Variants in SSB observed in about 807,000 individuals in gnomAD.
The protein encoded by SSB is lupus La protein.
In SSB, 17 loss-of-function variants were observed where a neutral mutation model predicts 52.9. That is an observed-to-expected ratio of 0.32 (90% confidence interval 0.22 to 0.48). The LOEUF is 0.48. Among genes scored for constraint, SSB ranks in the 20% least tolerant of loss-of-function variants. The pLI is 0.99. For synonymous variants in SSB, 111 were observed against 152.1 expected (o/e 0.73, Z 1.99); for missense variants, 314 against 463.6 (o/e 0.68, Z 2.96).
rs537210708 is a variant in SSB, at chr2:169,807,154, C to G, written c.554+83C>G. The G allele has an allele frequency of 4.5e-5, 48 of 1,064,174 alleles. No homozygotes were observed. In the Admixed American group the frequency reaches 9.2e-4, roughly 20 times the overall value. 65.9% of individuals were successfully genotyped at this position (1,064,174 alleles called of 1,614,324 possible). A position where few individuals can be genotyped will look rare whatever the true frequency, so the allele number is the denominator to read the frequency against. ...GTAAGGAGCATGGAAGTAGTATCCC[C>G]TGAAAGGCCAATATTCTTAGTATCT... On this transcript the variant is annotated intron_variant, in intron 6 of 11. Coordinates refer to ENST00000260956, the MANE Select transcript of SSB (RefSeq NM_003142.5).
intron 1 of SSB, 44 bp from the exon 2 acceptor site, chr2:169,800,908 T>G (rs1050738804): frequency 3.9e-5 from 56 of 1,421,068 alleles, no homozygotes; most frequent in Non-Finnish European, 5.4e-5. Flanking sequence ...ATTCTTGAGT[T>G]TTATATAAAA....
intron 9 of SSB, 173 bp downstream of exon 9, chr2:169,810,596 G>GTTT (rs1689928858): frequency 2.9e-6 from 2 of 698,454 alleles, no homozygotes; most frequent in Non-Finnish European, 4.7e-6. Context: ...TACTAAATTA[G>GTTT]TTTCTACTTG....
chr2:169,810,290 T>C lies in SSB; in HGVS notation c.677T>C (p.Leu226Pro), dbSNP rs768885266. Residue 226 changes from leucine (L) to proline (P), a missense_variant, in exon 9 of 12, where the codon CTA becomes CCA. By Grantham distance (98) the Leu-to-Pro change is moderately conservative. Coordinates refer to ENST00000260956, the MANE Select transcript of SSB (RefSeq NM_003142.5). The stretch of plus-strand genomic sequence containing the variant: ...CTTTGTATATTTTTATAGAAATCTC[T>C]AGAAGAAAAGATTGGATGCTTGCTG... ...KLEEDAEMKS[L>P]EEKIGCLLKF... is the part of the protein sequence containing the mutation. 7 of 1,601,828 alleles carry C rather than the reference T, an allele frequency of 4.4e-6. No homozygotes were observed. Among genetic ancestry groups the C allele is most frequent in the Non-Finnish European group, 5.9e-6 (7 of 1,176,794 alleles).
rs1021757058 is a variant in SSB at position 169,806,962 on chromosome 2, T to G, written c.454-9T>G. ...TAACTTAAAAAAATATTTTCCTTCC[T>G]TTTTACAGGGATCAATTTTTGTTGT... On this transcript the variant is annotated splice_polypyrimidine_tract_variant and intron_variant, in intron 5 of 11. Transcript: ENST00000260956. 3.1e-6 allele frequency: 5 copies of G among 1,612,786 alleles called. No homozygotes were observed. The highest frequency in any genetic ancestry group is 4.2e-6 in the Non-Finnish European group (5 of 1,179,572).
intron 2 of SSB, among the ~76,000 whole-genome samples, chr2:169,801,509 G>GTTTTTTTTTTTT (rs79940369): frequency 1.4e-5 from 1 of 73,666 alleles, no homozygotes; most frequent in African/African-American, 5.2e-5. Context: ...CTTTAATATA[G>GTTTTTTTTTTTT]TTTTTTTTTT....
chr2:169,807,694 T>C (rs1689855936), intron 6 of SSB, among the ~76,000 whole-genome samples: 1 of 150,472 alleles, frequency 6.6e-6, no homozygotes, highest in African/African-American at 2.4e-5. Context: ...GTTTGGAAAA[T>C]ATATCAATGC....
At chr2:169,810,628 G>A (rs776771638) in intron 9 of SSB, 6 of 661,270 alleles carry the variant, frequency 9.1e-6, no homozygotes, top group Non-Finnish European at 1.3e-5. Flanking sequence ...TGTTGTTATT[G>A]TCACTATATG....
At chr2:169,810,566 G>A in intron 9 of SSB, 143 bp downstream of exon 9, 3 of 790,564 alleles carry the variant, frequency 3.8e-6, no homozygotes, top group African/African-American at 1.8e-5. Flanking sequence ...TAGATGTGAT[G>A]TCTGATATTT....
intron 2 of SSB, among the ~76,000 whole-genome samples, chr2:169,803,589 G>T (rs988297349): frequency 3.3e-5 from 5 of 152,028 alleles, no homozygotes; most frequent in Admixed American, 6.6e-5. Flanking sequence ...AGCTGGGCAT[G>T]GTGGCATGTG....
intron 2 of SSB, 54 bp from the exon 3 acceptor site, chr2:169,805,420 G>T: frequency 7.6e-7 from 1 of 1,322,958 alleles, no homozygotes. Context: ...AGTAATGTCA[G>T]GATTGGAGTC....
chr2:169,805,420 G>C, intron 2 of SSB, 54 bp from the exon 3 acceptor site: 1 of 1,322,958 alleles, frequency 7.6e-7, no homozygotes, highest in Non-Finnish European at 1.1e-6. Context: ...AGTAATGTCA[G>C]GATTGGAGTC....
At chr2:169,810,457 G>A (rs1179867273) in intron 9 of SSB, 34 bp downstream of exon 9, 1 of 1,557,638 alleles carries the variant, frequency 6.4e-7, no homozygotes, top group Admixed American at 2.2e-5. Context: ...TTAGCAATCA[G>A]TTTGAAAATC....
At chr2:169,811,586 A>G in intron 11 of SSB, 82 bp from the exon 12 acceptor site, 1 of 1,532,730 alleles carries the variant, frequency 6.5e-7, no homozygotes, top group Non-Finnish European at 8.8e-7. Flanking sequence ...TTTCAACAGT[A>G]TCATTATTAG....
Position 169,805,882 on chromosome 2 carries a change from A to G in SSB, c.345+43A>G, listed in dbSNP as rs755116320. ...GCATTTAAATATCTTACATTTATTT[A>G]GAAAGTAAAGTACGGAAGAATAAGG... On this transcript the variant is annotated intron_variant, in intron 4 of 11. Transcript: ENST00000260956. 6.4e-6 allele frequency: 10 copies of G among 1,559,478 alleles called. No individual in the cohort carries two copies. The East Asian group carries it at 2.0e-4, about 32-fold the overall frequency.
At chr2:169,808,661 T>G (rs1689879580) in intron 7 of SSB, 108 bp downstream of exon 7, 2 of 1,114,558 alleles carry the variant, frequency 1.8e-6, no homozygotes, top group Non-Finnish European at 2.6e-6. Flanking sequence ...TCTTTGCTAG[T>G]GAAACACTGA....
chr2:169,810,614 A>G (rs901264455), intron 9 of SSB, 191 bp downstream of exon 9: 42 of 680,704 alleles, frequency 6.2e-5, no homozygotes, highest in Non-Finnish European at 9.9e-5. Flanking sequence ...TTGATCATTT[A>G]CTTTGTTGTT....
At chr2:169,801,546 A>ACTC (rs1689713709) in intron 2 of SSB, among the ~76,000 whole-genome samples, 1 of 106,678 alleles carries the variant, frequency 9.4e-6, no homozygotes, top group Non-Finnish European at 1.8e-5. Context: ...ATGGAGTCTC[A>ACTC]CTCTGTTGGC....
At chr2:169,809,101 C>G in intron 8 of SSB, 199 bp downstream of exon 8, 1 of 586,582 alleles carries the variant, frequency 1.7e-6, no homozygotes, top group East Asian at 3.3e-5. Flanking sequence ...ATGGAAAAGG[C>G]CGGGTGCAGT....
chr2:169,800,585 G>C (rs1689693089), intron 1 of SSB, among the ~76,000 whole-genome samples: 2 of 141,180 alleles, frequency 1.4e-5, no homozygotes, highest in Non-Finnish European at 3.0e-5. Context: ...AATGCACAGA[G>C]AGCCATGGTA....
Sources: gnomAD v4.1 joint callset for allele counts (sites outside exome capture counted in the v4.1 genomes callset) on GRCh38, gnomAD v4.1.1 for gene constraint, MANE v1.5 for transcripts, NCBI Gene and HGNC (gene_info 2026-07-23, HGNC 2026-07-21) for gene names.